Variants in PCDHGA4 observed in about 807,000 individuals in gnomAD.
PCDHGA4 encodes protocadherin gamma-A4.
PCDHGA4 carries 38 observed loss-of-function variants against 54.6 expected under a neutral mutation model. That is an observed-to-expected ratio of 0.70 (90% CI 0.54 to 0.91). The LOEUF (loss-of-function observed/expected upper bound fraction) is 0.91, where lower values mean the gene tolerates loss of function less well. Ranked by LOEUF, PCDHGA4 falls within the 40% of genes least tolerant of loss-of-function variation. PCDHGA4 has a pLI of 0.00. For missense variants in PCDHGA4, 1,298 were observed against 1,220.9 expected (o/e 1.06, Z -0.94); for synonymous variants, 511 against 512.9 (o/e 1.00, Z 0.05).
At chr5:141,423,659 A>T (rs369390148) in intron 1 of PCDHGA4, 133 of 1,551,038 alleles carry the variant, frequency 8.6e-5, no homozygotes, top group Non-Finnish European at 1.1e-4. Context: ...ACAAGTAATC[A>T]GGTGAGATTT....
Position 141,355,278 on chromosome 5 carries a change from C to A in PCDHGA4, c.171C>A (p.Ile57=). 1 of 1,613,742 alleles carries A rather than the reference C, an allele frequency of 6.2e-7. No individual in the cohort carries two copies. The highest frequency in any genetic ancestry group is 8.5e-7 in the Non-Finnish European group (1 of 1,179,898). ...TTCTCCTGGGGGTTCTGGTGGAAATCAGGGCCGAACAGATTCTCTACTCGG... is the reference window on the plus strand; with the variant it reads ...TTCTCCTGGGGGTTCTGGTGGAAATAAGGGCCGAACAGATTCTCTACTCGG... ...ICLLLGVLVE[I]RAEQILYSVF... is the part of the protein sequence containing the mutation. Residue 57 remains isoleucine (I), a synonymous_variant, in exon 1 of 4, where the codon ATC becomes ATA. Transcript: ENST00000571252.
rs779686795 is a variant in PCDHGA4 at position 141,476,566 on chromosome 5, G to C, written c.2515-18241G>C. The stretch of plus-strand genomic sequence containing the variant: ...TGGAGATTAGCGAGGCCGTGGCTCC[G>C]GGGACGCGCTTTCCGCTCGAGAGCG... On this transcript the variant is annotated intron_variant, in intron 1 of 3. Transcript: ENST00000571252. This position sits in a 1 kb window ranked among gnomAD's most constrained non-coding sequence, Gnocchi z 7.6. 1.2e-6 allele frequency: 2 copies of C among 1,614,180 alleles called. No homozygotes were observed. The highest frequency in any genetic ancestry group is 1.7e-5 in the Admixed American group (1 of 60,030).
chr5:141,489,178 C>T lies in PCDHGA4; in HGVS notation c.2515-5629C>T, dbSNP rs909255357. ...GAGACTTCAGCTGCTGCATTCCAAG[C>T]CCTGGGTCTACCTTGGAGACAGGAC... On this transcript the variant is annotated intron_variant, in intron 1 of 3. Transcript: ENST00000571252. This position sits in a 1 kb window ranked among gnomAD's most constrained non-coding sequence, Gnocchi z 4.5. 54 of 1,234,872 alleles carry T rather than the reference C, an allele frequency of 4.4e-5. 1 individual carries two copies. In the East Asian group the frequency reaches 1.2e-3, roughly 29 times the overall value. 76.5% of individuals were successfully genotyped at this position (1,234,872 alleles called of 1,614,324 possible). A position where few individuals can be genotyped will look rare whatever the true frequency, so the allele number is the denominator to read the frequency against.
intron 1 of PCDHGA4, among the ~76,000 whole-genome samples, chr5:141,434,703 G>C (rs1198306104): frequency 6.6e-6 from 1 of 151,730 alleles, no homozygotes; most frequent in Non-Finnish European, 1.5e-5. Context: ...TAAATATGTG[G>C]GTAAATCTCT....
At position 141,489,985 on chromosome 5, in the gene PCDHGA4, G is replaced by C. The variant is rs761481986; in HGVS notation, c.2515-4822G>C. ...AACCTTCCAATCCTCAGTTCTACGT[G>C]TGGGAATCCCAGAGAATGCACCCAT... On this transcript the variant is annotated intron_variant, in intron 1 of 3. Coordinates refer to ENST00000571252, the MANE Select transcript of PCDHGA4 (RefSeq NM_018917.4). This position sits in a 1 kb window ranked among gnomAD's most constrained non-coding sequence, Gnocchi z 4.5. 3 of 1,614,212 alleles carry C rather than the reference G, an allele frequency of 1.9e-6. No individual in the cohort carries two copies. The East Asian group carries it at 6.7e-5, about 36-fold the overall frequency.
chr5:141,363,284 T>G (rs1762866895), intron 1 of PCDHGA4, among the ~76,000 whole-genome samples: 1 of 152,272 alleles, frequency 6.6e-6, no homozygotes, highest in Non-Finnish European at 1.5e-5. Flanking sequence ...AATTTCCTAA[T>G]TATATAGAAT....
At chr5:141,371,042 T>C in intron 1 of PCDHGA4, 1 of 1,613,964 alleles carries the variant, frequency 6.2e-7, no homozygotes, top group Non-Finnish European at 8.5e-7. Flanking sequence ...CAGCTGTGGA[T>C]GGGGGCGAGC....
intron 1 of PCDHGA4, among the ~76,000 whole-genome samples, chr5:141,467,055 C>CTTTTTTTTTTTTTTTTTTT (rs1193465269): frequency 7.4e-6 from 1 of 134,498 alleles, no homozygotes; most frequent in Non-Finnish European, 1.6e-5. Context: ...TCAATGTTTT[C>CTTTTTTTTTTTTTTTTTTT]TTTTTTTTTT....
chr5:141,409,080 C>T (rs2095221617), intron 1 of PCDHGA4: 1 of 1,613,988 alleles, frequency 6.2e-7, no homozygotes, highest in Non-Finnish European at 8.5e-7. Context: ...CATATGTTCT[C>T]ATTGGATGAG....
intron 1 of PCDHGA4, chr5:141,364,524 G>A (rs773568307): frequency 3.1e-6 from 5 of 1,614,056 alleles, no homozygotes; most frequent in Middle Eastern, 1.7e-4. Context: ...CGCGGAGTCC[G>A]CATCGTCTCC....
At chr5:141,394,783 C>A in intron 1 of PCDHGA4, 7 of 1,613,732 alleles carry the variant, frequency 4.3e-6, no homozygotes, top group Non-Finnish European at 5.9e-6. Flanking sequence ...CTCTCCGCCA[C>A]TGTCACGCTC....
Position 141,476,682 on chromosome 5 carries a change from A to G in PCDHGA4, c.2515-18125A>G, listed in dbSNP as rs987205396. The G allele has an allele frequency of 6.2e-7, 1 of 1,614,072 alleles. No individual in the cohort carries two copies. Among genetic ancestry groups the G allele is most frequent in the African/African-American group, 1.3e-5 (1 of 74,934 alleles). ...GCGCTTCGCGTGCAGACGCGGGAGG[A>G]CAGCACCAAGTACGCGGAGCTGGTG... On this transcript the variant is annotated intron_variant, in intron 1 of 3. Coordinates refer to ENST00000571252, the MANE Select transcript of PCDHGA4 (RefSeq NM_018917.4). The surrounding 1 kb of genome is among the most constrained non-coding windows in gnomAD (Gnocchi z 7.6).
rs2099702455 is a variant in PCDHGA4, at chr5:141,490,641, G to C, written c.2515-4166G>C. 6.2e-7 allele frequency: 1 copy of C among 1,614,042 alleles called. No homozygotes were observed. Among genetic ancestry groups the C allele is most frequent in the Admixed American group, 1.7e-5 (1 of 60,004 alleles). On this transcript the variant is annotated intron_variant, in intron 1 of 3. Coordinates refer to ENST00000571252, the MANE Select transcript of PCDHGA4 (RefSeq NM_018917.4). The surrounding 1 kb of genome is among the most constrained non-coding windows in gnomAD (Gnocchi z 5.4). ...ACACTGCTTACATCCTAGAAAACCG[G>C]CCTCCGGGCTCCCTTCTTTGCACTG...
In PCDHGA4 at chr5:141,364,605, G is replaced by A. The variant is rs1380468665; in HGVS notation, c.2514+6984G>A. On this transcript the variant is annotated intron_variant, in intron 1 of 3. Coordinates refer to ENST00000571252, the MANE Select transcript of PCDHGA4 (RefSeq NM_018917.4). Reference sequence around the variant, plus strand: ...TTGGTCACCGCGGGCAGGATAGACCGGGAGGAGCTCTGCGCTCAGAGCCCA... The same window carrying A: ...TTGGTCACCGCGGGCAGGATAGACCAGGAGGAGCTCTGCGCTCAGAGCCCA... 6 of 1,614,186 alleles carry A rather than the reference G, an allele frequency of 3.7e-6. No individual in the cohort carries two copies. Among genetic ancestry groups the A allele is most frequent in the Middle Eastern group, 1.6e-4 (1 of 6,062 alleles).
chr5:141,484,788 TAAC>T (rs1245576501), intron 1 of PCDHGA4, among the ~76,000 whole-genome samples: 1 of 151,732 alleles, frequency 6.6e-6, no homozygotes, highest in Non-Finnish European at 1.5e-5. Flanking sequence ...CCCACAGAGA[TAAC>T]AACCCGTGGA....
chr5:141,476,523 C>G lies in PCDHGA4; in HGVS notation c.2515-18284C>G. On this transcript the variant is annotated intron_variant, in intron 1 of 3. Transcript: ENST00000571252. This position sits in a 1 kb window ranked among gnomAD's most constrained non-coding sequence, Gnocchi z 7.6. ...ATCAACGACAACAATCCTGCTTTCC[C>G]TACCCAGGAAATGAAATTGGAGATT... is the stretch of plus-strand genomic sequence containing the variant. 1 of 1,614,218 alleles carries G rather than the reference C, an allele frequency of 6.2e-7. No individual in the cohort carries two copies.
At chr5:141,457,736 T>G (rs1265562501) in intron 1 of PCDHGA4, among the ~76,000 whole-genome samples, 1 of 152,254 alleles carries the variant, frequency 6.6e-6, no homozygotes, top group African/African-American at 2.4e-5. Flanking sequence ...AGATTAGACT[T>G]TTAAAGCTGA....
chr5:141,370,269 G>A (rs1185604406), intron 1 of PCDHGA4: 1 of 783,942 alleles, frequency 1.3e-6, no homozygotes, highest in Admixed American at 3.1e-5. Flanking sequence ...TCCTGCAGCG[G>A]AGACACCCAT....
chr5:141,394,505 C>A (rs1366555133), intron 1 of PCDHGA4: 4 of 1,614,218 alleles, frequency 2.5e-6, no homozygotes, highest in Non-Finnish European at 3.4e-6. Context: ...AGATCCTGTA[C>A]CCCGCCCTCC....
Sources: gnomAD v4.1 joint callset for allele counts (sites outside exome capture counted in the v4.1 genomes callset) on GRCh38, gnomAD v4.1.1 for gene constraint, Gnocchi (gnomAD v3.1) non-coding constraint, MANE v1.5 for transcripts, NCBI Gene and HGNC (gene_info 2026-07-23, HGNC 2026-07-21) for gene names.